The following CHRFAM7A variants were observed in gnomAD, a reference collection of about 807,000 sequenced individuals.
The protein encoded by CHRFAM7A is CHRNA7 (exons 5-10) and FAM7A (exons A-E) fusion.
Under a neutral mutation model 29.2 loss-of-function variants are expected in CHRFAM7A, and 3 were observed. The ratio of observed to expected loss-of-function variants is 0.10; its 90% CI spans 0.05 to 0.27. The LOEUF is 0.27. CHRFAM7A is among the 10% of genes least tolerant of loss of function. The pLI is 1.00. For synonymous variants in CHRFAM7A, 7 were observed against 135.4 expected (o/e 0.05, Z 6.58); for missense variants, 22 against 328.0 (o/e 0.07, Z 7.21).
chr15:30,362,993 T>C (rs1230532003), intron 9 of CHRFAM7A, among the ~76,000 whole-genome samples, 182 bp from the exon 10 acceptor site: 4 of 151,274 alleles, frequency 2.6e-5, no homozygotes, highest in Non-Finnish European at 5.9e-5. Flanking sequence ...GAGTTCAACG[T>C]GAGGCAAGAC....
chr15:30,377,868 A>G (rs1262721340), intron 4 of CHRFAM7A, among the ~76,000 whole-genome samples: 1 of 141,642 alleles, frequency 7.1e-6, no homozygotes, highest in African/African-American at 2.7e-5. Flanking sequence ...TACAAGTAAC[A>G]CATTTTAAAG....
intron 6 of CHRFAM7A, 110 bp from the exon 7 acceptor site, chr15:30,372,451 T>TAAA (rs539274287): frequency 1.4e-3 from 67 of 47,184 alleles, no homozygotes; most frequent in Admixed American, 3.8e-3. Context: ...TGCAAAGTGC[T>TAAA]AAAAAAAAAA....
intron 5 of CHRFAM7A, among the ~76,000 whole-genome samples, chr15:30,375,767 AGT>A (rs1404896868): frequency 2.2e-3 from 293 of 135,878 alleles, no homozygotes; most frequent in Admixed American, 0.02. Flanking sequence ...TATTTGTGTG[AGT>A]GGTGTGTGAG....
At chr15:30,370,956 ATAGT>A in intron 8 of CHRFAM7A, 138 bp downstream of exon 8, 1 of 1,486,078 alleles carries the variant, frequency 6.7e-7, no homozygotes, top group South Asian at 1.2e-5. Flanking sequence ...GTGACTCTGA[ATAGT>A]TACAGCAAAT....
chr15:30,375,887 GT>G (rs2058925478), intron 5 of CHRFAM7A, among the ~76,000 whole-genome samples: 3 of 11,056 alleles, frequency 2.7e-4, no homozygotes, highest in Admixed American at 9.2e-4. Flanking sequence ...GTGTTGAGTC[GT>G]GTGGGTGGTA....
intron 5 of CHRFAM7A, among the ~76,000 whole-genome samples, chr15:30,374,649 G>GA (rs1314353942): frequency 7.7e-6 from 1 of 130,022 alleles, no homozygotes; most frequent in Non-Finnish European, 1.6e-5. Flanking sequence ...GGGGTGATGG[G>GA]AATGTTCTAA....
intron 5 of CHRFAM7A, among the ~76,000 whole-genome samples, chr15:30,376,100 G>C (rs1247459020): frequency 6.6e-6 from 1 of 151,648 alleles, no homozygotes; most frequent in Non-Finnish European, 1.5e-5. Context: ...TGAGTGGTGT[G>C]AGTGGTGTGT....
chr15:30,393,709 A>C (rs1468886514), upstream of CHRFAM7A: 2 of 9,134 alleles, frequency 2.2e-4, no homozygotes, highest in African/African-American at 3.0e-4. Context: ...CTTACCCCTC[A>C]CCCCTCACCC....
rs200862835 is a variant in CHRFAM7A, at chr15:30,367,530, G to A, written c.611-3C>T. ...CATGGTGCTGGCGAAGTACTGGGCT[G>A]TGGAGAGAACAGATGCAGGGTGAGA... On this transcript the variant is annotated splice_polypyrimidine_tract_variant and splice_region_variant and intron_variant, in intron 8 of 9. Coordinates refer to ENST00000299847, the MANE Select transcript of CHRFAM7A (RefSeq NM_139320.2). The A allele has an allele frequency of 3.3e-5, 53 of 1,605,840 alleles. 2 individuals are homozygous for A. The highest frequency in any genetic ancestry group is 4.4e-5 in the Non-Finnish European group (52 of 1,174,796).
intron 5 of CHRFAM7A, among the ~76,000 whole-genome samples, chr15:30,375,053 AG>A (rs147650661): frequency 0.2 from 29,560 of 145,524 alleles, 182 homozygotes; most frequent in Non-Finnish European, 0.22. Flanking sequence ...GGAGCCCCAG[AG>A]GGGGCTGCTG....
At chr15:30,367,306 C>T (rs1215982326) in intron 9 of CHRFAM7A, 112 bp downstream of exon 9, 1 of 1,333,768 alleles carries the variant, frequency 7.5e-7, no homozygotes, top group Non-Finnish European at 1.0e-6. Flanking sequence ...ACAAAAAACC[C>T]AAAGCTATTT....
chr15:30,375,644 G>C (rs2058918528), intron 5 of CHRFAM7A, among the ~76,000 whole-genome samples: 1 of 148,580 alleles, frequency 6.7e-6, no homozygotes. Flanking sequence ...TGTGAGAGTG[G>C]TGTGTAAGTG....
rs1268230295 is a variant in CHRFAM7A, at chr15:30,361,807, GAGGTTT to G, written c.*480_*485del. On this transcript the variant is annotated 3_prime_UTR_variant, in exon 10 of 10. Coordinates refer to ENST00000299847, the MANE Select transcript of CHRFAM7A (RefSeq NM_139320.2). ...AAAAGTTGAATTGCAGAAAAGCTAAGAGGTTTTTAGTTTTTGTTTTTTGTTTTCCTT... is the reference window on the plus strand; with the variant it reads ...AAAAGTTGAATTGCAGAAAAGCTAAGTTAGTTTTTGTTTTTTGTTTTCCTT... The G allele has an allele frequency of 2.6e-5, 2 of 75,492 alleles. No individual in the cohort carries two copies. Among genetic ancestry groups the G allele is most frequent in the East Asian group, 5.3e-4 (2 of 3,750 alleles). The allele number at this position is 75,492 out of a possible 1,614,324, so 4.7% of individuals were successfully genotyped here.
chr15:30,377,787 G>A (rs1440260830), intron 4 of CHRFAM7A, among the ~76,000 whole-genome samples: 4 of 145,242 alleles, frequency 2.8e-5, no homozygotes, highest in Admixed American at 7.0e-5. Flanking sequence ...TATGTTAGCC[G>A]GGATGGTCTC....
chr15:30,367,060 G>A (rs1296959425), intron 9 of CHRFAM7A, among the ~76,000 whole-genome samples: 1 of 149,822 alleles, frequency 6.7e-6, no homozygotes, highest in East Asian at 2.0e-4. Flanking sequence ...GAGGTGGGCA[G>A]ATCACGAGGT....
intron 5 of CHRFAM7A, among the ~76,000 whole-genome samples, chr15:30,375,692 TGTTGG>T (rs2058920375): frequency 7.2e-6 from 1 of 138,378 alleles, no homozygotes; most frequent in Non-Finnish European, 1.5e-5. Flanking sequence ...GGTGTGTGTG[TGTTGG>T]TGGTTTGAGT....
In CHRFAM7A at chr15:30,371,674, C is replaced by G. The variant is rs1196741831; in HGVS notation, c.523+473G>C. On this transcript the variant is annotated intron_variant, in intron 7 of 9. Transcript: ENST00000299847. ...ACCATATCCTACATCTGATGTTTAG[C>G]AACTCTTTAAGACATTGGGAAACTC... 2.0e-5 allele frequency among the ~76,000 whole-genome samples: 3 copies of G among 147,542 alleles called. 1 individual carries two copies. Among genetic ancestry groups the G allele is most frequent in the African/African-American group, 7.6e-5 (3 of 39,326 alleles).
chr15:30,372,347 T>C lies in CHRFAM7A; in HGVS notation c.329-6A>G, dbSNP rs1345364524. ...ACTCCTCTTGCCGGGGATTCCTCCATAGGGAGGAGGAGAGAAGGAGCCATT... is the reference window on the plus strand; with the variant it reads ...ACTCCTCTTGCCGGGGATTCCTCCACAGGGAGGAGGAGAGAAGGAGCCATT... On this transcript the variant is annotated splice_polypyrimidine_tract_variant and splice_region_variant and intron_variant, in intron 6 of 9. Coordinates refer to ENST00000299847, the MANE Select transcript of CHRFAM7A (RefSeq NM_139320.2). 8.3e-7 allele frequency: 1 copy of C among 1,208,856 alleles called. No individual in the cohort carries two copies. Among genetic ancestry groups the C allele is most frequent in the East Asian group, 2.4e-5 (1 of 42,478 alleles). 74.9% of individuals were successfully genotyped at this position (1,208,856 alleles called of 1,614,324 possible).
intron 5 of CHRFAM7A, among the ~76,000 whole-genome samples, chr15:30,376,193 G>A (rs2058934568): frequency 1.3e-4 from 1 of 7,874 alleles, no homozygotes; most frequent in African/African-American, 1.5e-4. Context: ...TGTGTGAGTG[G>A]CTGTGAGTGG....
Sources: gnomAD v4.1 joint callset for allele counts (sites outside exome capture counted in the v4.1 genomes callset) on GRCh38, gnomAD v4.1.1 for gene constraint, MANE v1.5 for transcripts, NCBI Gene and HGNC (gene_info 2026-07-23, HGNC 2026-07-21) for gene names.